Variants in GATA3 observed in about 807,000 individuals in gnomAD.
GATA3 encodes trans-acting T-cell-specific transcription factor GATA-3.
Under a neutral mutation model 36.0 loss-of-function variants are expected in GATA3, and 6 were observed. That is an observed-to-expected ratio of 0.17 (90% CI 0.09 to 0.33). The LOEUF (loss-of-function observed/expected upper bound fraction) is 0.33. GATA3 is among the 10% of genes least tolerant of loss of function. The pLI is 1.00. For missense variants in GATA3, 514 were observed against 610.1 expected (o/e 0.84, Z 1.66); for synonymous variants, 326 against 273.0 (o/e 1.19, Z -1.92).
At chr10:8,057,006 C>CTCTA (rs1295829665) in intron 2 of GATA3, among the ~76,000 whole-genome samples, 1 of 152,208 alleles carries the variant, frequency 6.6e-6, no homozygotes, top group Non-Finnish European at 1.5e-5. Flanking sequence ...AGCAGGCGTC[C>CTCTA]TCTACCCTGC....
chr10:8,068,778 G>A (rs1343683157), intron 4 of GATA3, among the ~76,000 whole-genome samples: 3 of 152,180 alleles, frequency 2.0e-5, no homozygotes, highest in African/African-American at 4.8e-5. Flanking sequence ...GAAAGTGCAG[G>A]CTGTATAAAT....
At chr10:8,068,871 C>G (rs999702028) in intron 4 of GATA3, among the ~76,000 whole-genome samples, 1 of 152,258 alleles carries the variant, frequency 6.6e-6, no homozygotes, top group Non-Finnish European at 1.5e-5. Context: ...CACACTTGCA[C>G]AGACATTCTT....
intron 4 of GATA3, among the ~76,000 whole-genome samples, chr10:8,065,893 T>C (rs937342823): frequency 9.3e-6 from 1 of 107,266 alleles, no homozygotes; most frequent in Non-Finnish European, 1.9e-5. Flanking sequence ...AGGCTAGAGG[T>C]GTTAGTGCAG....
At chr10:8,049,354 T>A (rs987119534), upstream of GATA3, among the ~76,000 whole-genome samples, 1 of 152,258 alleles carries the variant, frequency 6.6e-6, no homozygotes, top group Non-Finnish European at 1.5e-5. Context: ...CTCTGGGTTT[T>A]GTTTGAAGAG....
At position 8,074,195 on chromosome 10, in the gene GATA3, G is replaced by T; in HGVS notation, c.*172G>T. ...CAAAGGAGCTCACTGTGGTGTCTGTGTTCCAACCACTGAATCTGGACCCCA... is the reference window on the plus strand; with the variant it reads ...CAAAGGAGCTCACTGTGGTGTCTGTTTTCCAACCACTGAATCTGGACCCCA... On this transcript the variant is annotated 3_prime_UTR_variant, in exon 6 of 6. Transcript: ENST00000379328. The T allele has an allele frequency of 1.4e-6, 1 of 693,346 alleles. No homozygotes were observed. Among genetic ancestry groups the T allele is most frequent in the Non-Finnish European group, 2.4e-6 (1 of 422,402 alleles). 42.9% of individuals were successfully genotyped at this position (693,346 alleles called of 1,614,324 possible).
chr10:8,045,736 T>G (rs753712020), intron 1 of GATA3, among the ~76,000 whole-genome samples: 1 of 152,154 alleles, frequency 6.6e-6, no homozygotes, highest in African/African-American at 2.4e-5. Flanking sequence ...ATGTCCTCGT[T>G]TGCAGGAAAG....
In GATA3 at chr10:8,055,546, G is replaced by A. The variant is rs1471986721; in HGVS notation, c.-110G>A. ...CCCCACCGAAAGCAAATCATTCAACGACCCCCGACCCTCCGACGGCAGGAG... is the reference window on the plus strand; with the variant it reads ...CCCCACCGAAAGCAAATCATTCAACAACCCCCGACCCTCCGACGGCAGGAG... On this transcript the variant is annotated 5_prime_UTR_variant, in exon 2 of 6. Transcript: ENST00000379328. The surrounding 1 kb of genome is among the most constrained non-coding windows in gnomAD (Gnocchi z 5.4). 2.5e-6 allele frequency: 3 copies of A among 1,177,034 alleles called. No homozygotes were observed. Among genetic ancestry groups the A allele is most frequent in the East Asian group, 2.8e-5 (1 of 36,226 alleles). The allele number at this position is 1,177,034 out of a possible 1,614,324, so 72.9% of individuals were successfully genotyped here. A position where few individuals can be genotyped will look rare whatever the true frequency, so the allele number is the denominator to read the frequency against.
At chr10:8,059,047 G>A (rs1427933593) in intron 3 of GATA3, among the ~76,000 whole-genome samples, 4 of 152,154 alleles carry the variant, frequency 2.6e-5, no homozygotes, top group Non-Finnish European at 5.9e-5. Flanking sequence ...AGGGGAAGTG[G>A]GATCTGATTT....
chr10:8,048,711 G>T (rs1376046929), upstream of GATA3, among the ~76,000 whole-genome samples: 2 of 152,184 alleles, frequency 1.3e-5, no homozygotes, highest in Admixed American at 6.5e-5. Context: ...CTCAAGGCGA[G>T]TTCCTTCTCT....
intron 4 of GATA3, among the ~76,000 whole-genome samples, chr10:8,065,075 G>A (rs1567880): frequency 1.2e-4 from 18 of 152,156 alleles, no homozygotes; most frequent in African/African-American, 3.9e-4. Context: ...TCACCAAGTC[G>A]AGATGGGAGG....
At chr10:8,059,479 A>G (rs544707049) in intron 3 of GATA3, among the ~76,000 whole-genome samples, 19 of 152,340 alleles carry the variant, frequency 1.2e-4, no homozygotes, top group African/African-American at 4.6e-4. Context: ...AATGAAAATC[A>G]AATGTCGCCT....
In GATA3 at chr10:8,069,825, T is replaced by C. The variant is rs140380900; in HGVS notation, c.1050+227T>C. Among the ~76,000 whole-genome samples the C allele has an allele frequency of 4.6e-5, 7 of 152,198 alleles. No individual in the cohort carries two copies. In the East Asian group the frequency reaches 9.6e-4, roughly 21 times the overall value. On this transcript the variant is annotated intron_variant, in intron 5 of 5. Coordinates refer to ENST00000379328, the MANE Select transcript of GATA3 (RefSeq NM_001002295.2). ...AGCCACACAACCCCCTTGGTATGCA[T>C]TGGACACTCCACATACCATGCAGCA... is the stretch of plus-strand genomic sequence containing the variant.
rs1435533530 is a variant in GATA3, at chr10:8,074,212, T to C, written c.*189T>C. On this transcript the variant is annotated 3_prime_UTR_variant, in exon 6 of 6. Transcript: ENST00000379328. The stretch of plus-strand genomic sequence containing the variant: ...GTGTCTGTGTTCCAACCACTGAATC[T>C]GGACCCCATCTGTGAATAAGCCATT... 1.6e-6 allele frequency: 1 copy of C among 639,894 alleles called. No homozygotes were observed. Among genetic ancestry groups the C allele is most frequent in the Non-Finnish European group, 2.7e-6 (1 of 375,098 alleles). The allele number at this position is 639,894 out of a possible 1,614,324, so 39.6% of individuals were successfully genotyped here. A position where few individuals can be genotyped will look rare whatever the true frequency, so the allele number is the denominator to read the frequency against.
chr10:8,069,733 G>T (rs1832901385), intron 5 of GATA3, 135 bp downstream of exon 5: 3 of 1,114,660 alleles, frequency 2.7e-6, no homozygotes, highest in Non-Finnish European at 4.0e-6. Context: ...GATGCAATAG[G>T]ACCTAGCTTG....
intron 5 of GATA3, among the ~76,000 whole-genome samples, chr10:8,072,967 A>T (rs1832954197): frequency 6.6e-6 from 1 of 151,998 alleles, no homozygotes; most frequent in African/African-American, 2.4e-5. Context: ...CAATATGGTG[A>T]AACCCCGTCT....
chr10:8,061,350 T>C (rs1832745701), intron 3 of GATA3, among the ~76,000 whole-genome samples: 1 of 152,176 alleles, frequency 6.6e-6, no homozygotes, highest in African/African-American at 2.4e-5. Flanking sequence ...ATCGAGCTCC[T>C]GCCCTGCTCC....
intron 4 of GATA3, among the ~76,000 whole-genome samples, chr10:8,067,834 A>T (rs1832871378): frequency 1.3e-5 from 1 of 77,802 alleles, no homozygotes; most frequent in African/African-American, 4.7e-5. Context: ...AAAAGAAAAC[A>T]TAACAAAACA....
chr10:8,066,430 TTTTC>T (rs10688455), intron 4 of GATA3, among the ~76,000 whole-genome samples: 14 of 148,514 alleles, frequency 9.4e-5, no homozygotes, highest in South Asian at 4.2e-4. Context: ...TCAGATTTCT[TTTTC>T]TTTCTTTCTT....
Position 8,073,840 on chromosome 10 carries a change from G to C in GATA3, c.1152G>C (p.Glu384Asp), listed in dbSNP as rs2131521071. ...GCAAAAAAGTGCATGACTCACTGGA[G>C]GACTTCCCCAAGAACAGCTCGTTTA... ...KKCKKVHDSL[E>D]DFPKNSSFNP... is the part of the protein sequence containing the mutation. Residue 384 changes from glutamate (E) to aspartate (D), a missense_variant, in exon 6 of 6, where the codon GAG becomes GAC. Physicochemically the swap from Glu to Asp is conservative, Grantham distance 45 (BLOSUM62 2). Coordinates refer to ENST00000379328, the MANE Select transcript of GATA3 (RefSeq NM_001002295.2). 1.2e-6 allele frequency: 2 copies of C among 1,614,162 alleles called. No homozygotes were observed. Among genetic ancestry groups the C allele is most frequent in the Non-Finnish European group, 1.7e-6 (2 of 1,180,032 alleles).
Sources: gnomAD v4.1 joint callset for allele counts (sites outside exome capture counted in the v4.1 genomes callset) on GRCh38, gnomAD v4.1.1 for gene constraint, Gnocchi (gnomAD v3.1) non-coding constraint, MANE v1.5 for transcripts, NCBI Gene and HGNC (gene_info 2026-07-23, HGNC 2026-07-21) for gene names.